CTBP2: variants seen among roughly 807,000 people sequenced by gnomAD.
CTBP2 encodes the protein C-terminal-binding protein 2.
CTBP2 carries 30 observed loss-of-function variants against 80.3 expected under a neutral mutation model. That is an observed-to-expected ratio of 0.37 (90% CI 0.28 to 0.51). CTBP2 has a LOEUF of 0.51. CTBP2 is among the 20% of genes least tolerant of loss of function. The pLI is 0.93. For synonymous variants in CTBP2, 594 were observed against 587.4 expected (o/e 1.01, Z -0.16); for missense variants, 1,212 against 1,375.3 (o/e 0.88, Z 1.88).
At chr10:125,113,175 A>G (rs910121716) in intron 1 of CTBP2, among the ~76,000 whole-genome samples, 1 of 152,222 alleles carries the variant, frequency 6.6e-6, no homozygotes, top group Non-Finnish European at 1.5e-5. Context: ...AAGTGTTAGG[A>G]AGGGAGGGAC....
rs151033574 is a variant in CTBP2, at chr10:125,052,886, A to C, written c.-101-13731T>G. Among the ~76,000 whole-genome samples, 592 of 152,286 alleles carry C rather than the reference A, an allele frequency of 3.9e-3. 2 individuals carry two copies. Among genetic ancestry groups the C allele is most frequent in the South Asian group, 0.011 (51 of 4,832 alleles). ...ATATGGCTTTGGGACAGCCACGTGC[A>C]TCTCCACACTTCCCAAGTTCATGGG... On this transcript the variant is annotated intron_variant, in intron 2 of 10. Transcript: ENST00000337195.
intron 1 of CTBP2, among the ~76,000 whole-genome samples, chr10:125,117,548 C>T (rs534696162): frequency 1.3e-5 from 2 of 152,276 alleles, no homozygotes; most frequent in South Asian, 4.1e-4. Context: ...GCTCACTGGG[C>T]ATGAAGCAGT....
chr10:125,081,914 G>C (rs1847228639), intron 2 of CTBP2, among the ~76,000 whole-genome samples: 1 of 151,088 alleles, frequency 6.6e-6, no homozygotes, highest in Non-Finnish European at 1.5e-5. Flanking sequence ...TGCTGCAGAG[G>C]AAGTGGCCAC....
intron 2 of CTBP2, among the ~76,000 whole-genome samples, chr10:125,040,145 A>G (rs1356404269): frequency 1.3e-5 from 2 of 152,056 alleles, no homozygotes; most frequent in Admixed American, 1.3e-4. Flanking sequence ...CATTCTTTAC[A>G]TTGATTAAAG....
intron 1 of CTBP2, among the ~76,000 whole-genome samples, chr10:125,022,396 AG>A (rs1957135238): frequency 6.6e-6 from 1 of 152,232 alleles, no homozygotes; most frequent in Admixed American, 6.5e-5. Flanking sequence ...CCCACCTGGG[AG>A]CCCCAAACAT....
intron 2 of CTBP2, among the ~76,000 whole-genome samples, chr10:125,107,832 T>C (rs1297289453): frequency 2.0e-5 from 3 of 152,224 alleles, no homozygotes; most frequent in Admixed American, 2.0e-4. Flanking sequence ...GAAACAGTCC[T>C]ATCTTTGCAA....
chr10:125,019,626 G>A (rs945993986), intron 1 of CTBP2, among the ~76,000 whole-genome samples: 32 of 152,248 alleles, frequency 2.1e-4, no homozygotes, highest in African/African-American at 6.5e-4. Context: ...CTGGCTGAAT[G>A]GGACCCCTAC....
chr10:125,024,591 G>T lies in CTBP2; in HGVS notation c.1678+1491C>A, dbSNP rs11815239. 1.4e-3 allele frequency among the ~76,000 whole-genome samples: 206 copies of T among 152,280 alleles called. 1 individual carries two copies. The highest frequency in any genetic ancestry group is 4.6e-3 in the African/African-American group (193 of 41,526). Reference sequence around the variant, plus strand: ...TTCGGCAAAACCTTTCCACGACTTGGGTGAGGAGATAATCTTTCTGTGATT... The same window carrying T: ...TTCGGCAAAACCTTTCCACGACTTGTGTGAGGAGATAATCTTTCTGTGATT... On this transcript the variant is annotated intron_variant, in intron 1 of 8. Transcript: ENST00000309035.
intron 1 of CTBP2, among the ~76,000 whole-genome samples, chr10:125,145,415 GGACT>G (rs1421825011): frequency 3.3e-5 from 5 of 152,194 alleles, no homozygotes; most frequent in Admixed American, 6.5e-5. Context: ...GCCTCTCTGG[GGACT>G]GACTGAGTCA....
At chr10:125,058,364 G>A (rs577694443) in intron 2 of CTBP2, among the ~76,000 whole-genome samples, 36 of 152,294 alleles carry the variant, frequency 2.4e-4, no homozygotes, top group Admixed American at 2.4e-3. Context: ...TCCCATAAAG[G>A]TGCTCTCACC....
At chr10:125,053,639 C>T (rs1286359688) in intron 2 of CTBP2, among the ~76,000 whole-genome samples, 2 of 152,204 alleles carry the variant, frequency 1.3e-5, no homozygotes, top group Non-Finnish European at 2.9e-5. Flanking sequence ...TGAGGTTAGA[C>T]CCTCTGGGCT....
intron 2 of CTBP2, among the ~76,000 whole-genome samples, chr10:125,059,089 C>G (rs6597879): frequency 6.6e-6 from 1 of 151,864 alleles, no homozygotes; most frequent in African/African-American, 2.4e-5. Context: ...CTTCTGGAGA[C>G]GGCACTGTCA....
intron 3 of CTBP2, among the ~76,000 whole-genome samples, chr10:125,034,222 C>A (rs965467456): frequency 1.3e-5 from 2 of 152,208 alleles, no homozygotes; most frequent in Non-Finnish European, 2.9e-5. Flanking sequence ...TGAACCCCAT[C>A]CCCAGAGTCG....
chr10:124,996,885 C>G (rs1953674871), intron 4 of CTBP2: 1 of 152,354 alleles, frequency 6.6e-6, no homozygotes, highest in East Asian at 1.9e-4. Context: ...TCAGAAGATC[C>G]CCAGCACCCG....
intron 3 of CTBP2, chr10:124,999,014 A>T (rs1222495026): frequency 6.6e-6 from 1 of 152,396 alleles, no homozygotes; most frequent in Non-Finnish European, 1.5e-5. Context: ...GGGAAGAATG[A>T]ATGACTGCCA....
intron 1 of CTBP2, among the ~76,000 whole-genome samples, chr10:125,004,665 T>G (rs1444126646): frequency 2.0e-5 from 3 of 151,984 alleles, no homozygotes; most frequent in African/African-American, 7.3e-5. Context: ...GCTCATCAAC[T>G]TTTCAGATAT....
chr10:125,051,443 A>G (rs1039394241), intron 2 of CTBP2, among the ~76,000 whole-genome samples: 2 of 152,074 alleles, frequency 1.3e-5, no homozygotes, highest in African/African-American at 4.8e-5. Flanking sequence ...AGTTTGAGAC[A>G]AGCCTGGCCA....
In CTBP2 at chr10:124,989,501, C is replaced by T; in HGVS notation, c.*17G>A. The T allele has an allele frequency of 6.2e-7, 1 of 1,610,678 alleles. No homozygotes were observed. Among genetic ancestry groups the T allele is most frequent in the Non-Finnish European group, 8.5e-7 (1 of 1,178,538 alleles). ...GGTCCCAAGTGTATCTGAGTGATTA[C>T]CTTCTGGCATTCTCTGCTATTGCTC... On this transcript the variant is annotated 3_prime_UTR_variant, in exon 9 of 9. Coordinates refer to ENST00000309035, the MANE Select transcript of CTBP2 (RefSeq NM_022802.3).
intron 2 of CTBP2, among the ~76,000 whole-genome samples, chr10:125,050,096 C>A (rs1054152632): frequency 2.0e-5 from 3 of 152,196 alleles, no homozygotes; most frequent in Admixed American, 6.5e-5. Flanking sequence ...TCCAGGAGAG[C>A]CAACTCAGAC....
Sources: gnomAD v4.1 joint callset for allele counts (sites outside exome capture counted in the v4.1 genomes callset) on GRCh38, gnomAD v4.1.1 for gene constraint, MANE v1.5 for transcripts, NCBI Gene and HGNC (gene_info 2026-07-23, HGNC 2026-07-21) for gene names.